STK38L: variants seen among roughly 807,000 people sequenced by gnomAD.
STK38L encodes the protein serine/threonine-protein kinase 38-like.
Under a neutral mutation model 59.7 loss-of-function variants are expected in STK38L, and 28 were observed. The ratio of observed to expected loss-of-function variants is 0.47; its 90% CI spans 0.35 to 0.64. STK38L has a LOEUF of 0.64. Among genes scored for constraint, STK38L ranks in the 30% least tolerant of loss-of-function variants. STK38L has a pLI of 0.01. For synonymous variants in STK38L, 162 were observed against 176.8 expected (o/e 0.92, Z 0.66); for missense variants, 314 against 555.8 (o/e 0.56, Z 4.37).
chr12:27,293,874 C>T (rs1264495889), intron 1 of STK38L: 2 of 152,168 alleles, frequency 1.3e-5, no homozygotes, highest in Admixed American at 6.5e-5. Context: ...TGGGTCTTTA[C>T]CTTTTGTTAA....
rs145067018 is a variant in STK38L, at chr12:27,251,583, G to A, written c.-12+7251G>A. Among the ~76,000 whole-genome samples, 485 of 152,266 alleles carry A rather than the reference G, an allele frequency of 3.2e-3. 1 individual carries two copies. The highest frequency in any genetic ancestry group is 5.8e-3 in the Admixed American group (88 of 15,298). On this transcript the variant is annotated intron_variant, in intron 1 of 13. Transcript: ENST00000389032. ...GAGTAAAAGCTGCTACAAGCAAATC[G>A]TTCACTAAGGCCTCTACAAAATTAG...
chr12:27,263,605 G>A (rs997563548), intron 1 of STK38L, among the ~76,000 whole-genome samples: 1 of 152,184 alleles, frequency 6.6e-6, no homozygotes, highest in Admixed American at 6.5e-5. Context: ...CCCCTATTAT[G>A]TCCTTTAGGA....
At chr12:27,267,495 C>A (rs1289735601) in intron 1 of STK38L, among the ~76,000 whole-genome samples, 1 of 152,220 alleles carries the variant, frequency 6.6e-6, no homozygotes, top group Non-Finnish European at 1.5e-5. Context: ...CAGGCTCGAA[C>A]TCCTGGTCTC....
intron 9 of STK38L, 82 bp from the exon 10 acceptor site, chr12:27,317,254 G>A: frequency 1.0e-6 from 1 of 963,704 alleles, no homozygotes; most frequent in Non-Finnish European, 1.6e-6. Flanking sequence ...TCTATATATT[G>A]CTTTTTCCAG....
intron 1 of STK38L, among the ~76,000 whole-genome samples, chr12:27,278,615 A>C (rs1339988911): frequency 6.6e-6 from 1 of 152,122 alleles, no homozygotes. Context: ...GTTTGTCTTT[A>C]TTTGGTCACC....
At chr12:27,289,787 C>T (rs1943855901) in intron 1 of STK38L, among the ~76,000 whole-genome samples, 1 of 152,254 alleles carries the variant, frequency 6.6e-6, no homozygotes, top group Non-Finnish European at 1.5e-5. Flanking sequence ...TTCCCTGGAA[C>T]ACCTCTACCT....
At chr12:27,278,747 T>C (rs892779052) in intron 1 of STK38L, among the ~76,000 whole-genome samples, 2 of 152,214 alleles carry the variant, frequency 1.3e-5, no homozygotes, top group African/African-American at 2.4e-5. Flanking sequence ...TTAAAAACCT[T>C]AACTCTCAGT....
intron 3 of STK38L, among the ~76,000 whole-genome samples, chr12:27,306,374 A>G (rs926719530): frequency 1.1e-4 from 17 of 151,974 alleles, no homozygotes; most frequent in African/African-American, 3.6e-4. Flanking sequence ...CCTCCTCACT[A>G]CTTCCTTAAA....
chr12:27,307,873 AT>A (rs1944354033), intron 3 of STK38L, among the ~76,000 whole-genome samples: 1 of 152,182 alleles, frequency 6.6e-6, no homozygotes, highest in East Asian at 1.9e-4. Context: ...CCAAGAGTAA[AT>A]TCTACCACAA....
At chr12:27,279,740 T>A (rs1460514261) in intron 1 of STK38L, among the ~76,000 whole-genome samples, 1 of 151,460 alleles carries the variant, frequency 6.6e-6, no homozygotes, top group Non-Finnish European at 1.5e-5. Context: ...TTTAGCTTTG[T>A]GAAACCTTGA....
chr12:27,293,110 C>T (rs1394960468), intron 1 of STK38L, among the ~76,000 whole-genome samples: 1 of 152,192 alleles, frequency 6.6e-6, no homozygotes, highest in Admixed American at 6.5e-5. Flanking sequence ...TGCCACCATG[C>T]CTGGCTCTAT....
rs1565550724 is a variant in STK38L at position 27,308,897 on chromosome 12, T to TA, written c.310-214dup. On this transcript the variant is annotated intron_variant, in intron 4 of 13. Coordinates refer to ENST00000389032, the MANE Select transcript of STK38L (RefSeq NM_015000.4). The surrounding 1 kb of genome is among the most constrained non-coding windows in gnomAD (Gnocchi z 4.5). ...ATAAATATATATAAATGTAAATATA[T>TA]AAATATATATAAATATATATTAATA... 1.4e-5 allele frequency among the ~76,000 whole-genome samples: 2 copies of TA among 144,762 alleles called. No homozygotes were observed. The highest frequency in any genetic ancestry group is 5.1e-5 in the African/African-American group (2 of 39,454). The allele number at this position is 144,762 out of a possible 152,430, so 95.0% of individuals were successfully genotyped here. A position where few individuals can be genotyped will look rare whatever the true frequency, so the allele number is the denominator to read the frequency against.
In STK38L at chr12:27,312,690, A is replaced by G. The variant is rs1411273984; in HGVS notation, c.517+18A>G. ...CCCTGGAGGTAAAAGCAAACATTGT[A>G]TCAATGACAGACTGATACAAGCACA... On this transcript the variant is annotated intron_variant, in intron 6 of 13. Coordinates refer to ENST00000389032, the MANE Select transcript of STK38L (RefSeq NM_015000.4). 4 of 1,613,004 alleles carry G rather than the reference A, an allele frequency of 2.5e-6. No individual in the cohort carries two copies. The highest frequency in any genetic ancestry group is 1.7e-5 in the Admixed American group (1 of 59,824).
At chr12:27,297,963 T>C in intron 2 of STK38L, 109 bp downstream of exon 2, 1 of 1,384,228 alleles carries the variant, frequency 7.2e-7, no homozygotes, top group Non-Finnish European at 9.8e-7. Flanking sequence ...GATCCCTGCA[T>C]GCTGTTTTTG....
intron 1 of STK38L, among the ~76,000 whole-genome samples, chr12:27,283,368 A>G (rs1943701547): frequency 1.3e-5 from 2 of 152,342 alleles, no homozygotes; most frequent in Middle Eastern, 3.4e-3. Flanking sequence ...ACACATATCA[A>G]TCAGTCACTT....
chr12:27,324,856 T>C lies in STK38L; in HGVS notation c.*2401T>C, dbSNP rs1326575557. ...CCTTGAGATTGAATTTTCTCTATTA[T>C]ATATTTCCCATATTTCAGGTGAATA... On this transcript the variant is annotated 3_prime_UTR_variant, in exon 14 of 14. Coordinates refer to ENST00000389032, the MANE Select transcript of STK38L (RefSeq NM_015000.4). 1 of 152,148 alleles carries C rather than the reference T, an allele frequency of 6.6e-6. No homozygotes were observed. The highest frequency in any genetic ancestry group is 2.4e-5 in the African/African-American group (1 of 41,468). 9.4% of individuals were successfully genotyped at this position (152,148 alleles called of 1,614,324 possible). A position where few individuals can be genotyped will look rare whatever the true frequency, so the allele number is the denominator to read the frequency against.
At chr12:27,301,152 C>T (rs971810351) in intron 2 of STK38L, among the ~76,000 whole-genome samples, 1 of 152,216 alleles carries the variant, frequency 6.6e-6, no homozygotes, top group African/African-American at 2.4e-5. Flanking sequence ...GCCCTTACCC[C>T]AGATGCTCAG....
At position 27,305,680 on chromosome 12, in the gene STK38L, G is replaced by C. The variant is rs528642176; in HGVS notation, c.187-2659G>C. ...TTATACAAATACTGGCCACCCTACA[G>C]ATGGAGAGTTTGAGGAACACCTATA... On this transcript the variant is annotated intron_variant, in intron 3 of 13. Coordinates refer to ENST00000389032, the MANE Select transcript of STK38L (RefSeq NM_015000.4). 3.3e-5 allele frequency among the ~76,000 whole-genome samples: 5 copies of C among 152,266 alleles called. No homozygotes were observed. In the East Asian group the frequency reaches 9.6e-4, roughly 29 times the overall value.
At chr12:27,309,449 C>T (rs965134549) in intron 5 of STK38L, among the ~76,000 whole-genome samples, 1 of 152,156 alleles carries the variant, frequency 6.6e-6, no homozygotes, top group African/African-American at 2.4e-5. Context: ...CTTATTTTCT[C>T]ATAGTTCTGG....
Sources: gnomAD v4.1 joint callset for allele counts (sites outside exome capture counted in the v4.1 genomes callset) on GRCh38, gnomAD v4.1.1 for gene constraint, Gnocchi (gnomAD v3.1) non-coding constraint, MANE v1.5 for transcripts, NCBI Gene and HGNC (gene_info 2026-07-23, HGNC 2026-07-21) for gene names.